The following TSPAN2 variants were observed in gnomAD, a reference collection of about 807,000 sequenced individuals.
TSPAN2 encodes the protein tetraspanin 2, also known as tetraspanin-2.
TSPAN2 carries 24 observed loss-of-function variants against 33.3 expected under a neutral mutation model. That is an observed-to-expected ratio of 0.72 (90% confidence interval 0.52 to 1.01). The LOEUF (loss-of-function observed/expected upper bound fraction) is 1.01, where lower values mean the gene tolerates loss of function less well. TSPAN2 is among the 50% of genes least tolerant of loss of function. TSPAN2 has a pLI of 0.00. For synonymous variants in TSPAN2, 114 were observed against 104.5 expected, an observed-to-expected ratio of 1.09 and a Z score of -0.56; for missense variants, 278 against 281.3, an observed-to-expected ratio of 0.99 and a Z score of 0.08.
rs1238378943 is a variant in TSPAN2, at chr1:115,057,588, T to G, written c.465A>C (p.Glu155Asp). The G allele has an allele frequency of 6.2e-7, 1 of 1,614,156 alleles. No homozygotes were observed. The highest frequency in any genetic ancestry group is 1.7e-5 in the Admixed American group (1 of 60,024). Reference protein sequence around the residue: ...FHSTFQCCGKESSEQVQPTCP... With the variant: ...FHSTFQCCGKDSSEQVQPTCP... ...ATGTAGGTTGGACCTGTTCGGAGCTTTCTTTTCCACAGCACTGAAACTAGA... is the reference window on the plus strand; with the variant it reads ...ATGTAGGTTGGACCTGTTCGGAGCTGTCTTTTCCACAGCACTGAAACTAGA... The change falls in exon 6 of 8, where the codon GAA (glutamate) becomes GAC (aspartate). Residue 155 changes from glutamate (E) to aspartate (D), a missense_variant. Transcript: ENST00000369516.
chr1:115,087,346 T>A (rs28481365), intron 1 of TSPAN2, among the ~76,000 whole-genome samples: 1 of 151,866 alleles, frequency 6.6e-6, no homozygotes, highest in Non-Finnish European at 1.5e-5. Flanking sequence ...CCAGGCGCGG[T>A]GGCTCACGCC....
At chr1:115,055,201 T>A (rs538663494) in intron 6 of TSPAN2, among the ~76,000 whole-genome samples, 4 of 152,184 alleles carry the variant, frequency 2.6e-5, no homozygotes, top group Admixed American at 2.6e-4. Context: ...TGTCCTCCTC[T>A]AGTTCTGCCA....
chr1:115,089,322 CGG>C, intron 1 of TSPAN2, 40 bp downstream of exon 1: 57 of 1,496,920 alleles, frequency 3.8e-5, no homozygotes, highest in East Asian at 5.1e-5. Flanking sequence ...GCCCGCCACC[CGG>C]CCCCCTGCCC....
Position 115,073,022 on chromosome 1 carries a change from A to G in TSPAN2, c.70-15T>C, listed in dbSNP as rs1448585701. 1.2e-6 allele frequency: 2 copies of G among 1,609,586 alleles called. No individual in the cohort carries two copies. Among genetic ancestry groups the G allele is most frequent in the South Asian group, 2.2e-5 (2 of 90,978 alleles). On this transcript the variant is annotated splice_polypyrimidine_tract_variant and intron_variant, in intron 1 of 7. Coordinates refer to ENST00000369516, the MANE Select transcript of TSPAN2 (RefSeq NM_005725.6). ...GATCCAGCCAGCTGGAAGGCAAACGACACTGTGTTTACAGTGGAAGGGGAA... is the reference window on the plus strand; with the variant it reads ...GATCCAGCCAGCTGGAAGGCAAACGGCACTGTGTTTACAGTGGAAGGGGAA...
chr1:115,076,331 C>T (rs554805276), intron 1 of TSPAN2, among the ~76,000 whole-genome samples: 2 of 152,058 alleles, frequency 1.3e-5, no homozygotes, highest in Admixed American at 6.6e-5. Flanking sequence ...GACCATGACT[C>T]GGCTTCTACT....
intron 6 of TSPAN2, 25 bp downstream of exon 6, chr1:115,057,512 A>G (rs747053213): frequency 1.2e-6 from 2 of 1,608,148 alleles, no homozygotes; most frequent in South Asian, 2.2e-5. Context: ...CTACAGGTAG[A>G]GTAAGAACCT....
At chr1:115,078,527 G>C (rs541450418) in intron 1 of TSPAN2, among the ~76,000 whole-genome samples, 4 of 152,176 alleles carry the variant, frequency 2.6e-5, no homozygotes, top group Admixed American at 6.5e-5. Context: ...AGGTCATGAG[G>C]GTGGGGCCAT....
At chr1:115,070,326 C>T (rs11102884) in intron 2 of TSPAN2, among the ~76,000 whole-genome samples, 55,841 of 150,190 alleles carry the variant, frequency 0.37, 10,758 homozygotes, top group South Asian at 0.55. Context: ...TCTGCAATCA[C>T]TGTGGGTTAT....
At chr1:115,073,663 G>C (rs938528064) in intron 1 of TSPAN2, among the ~76,000 whole-genome samples, 2 of 148,064 alleles carry the variant, frequency 1.4e-5, no homozygotes, top group Admixed American at 6.7e-5. Context: ...TTTTTTTTTT[G>C]GTTGCTATTT....
chr1:115,072,267 C>T (rs921872217), intron 2 of TSPAN2, among the ~76,000 whole-genome samples: 1 of 152,030 alleles, frequency 6.6e-6, no homozygotes, highest in Non-Finnish European at 1.5e-5. Flanking sequence ...AGAGCTATTG[C>T]CCCTTCCTGC....
intron 2 of TSPAN2, among the ~76,000 whole-genome samples, chr1:115,069,630 G>T (rs189050840): frequency 6.6e-6 from 1 of 152,344 alleles, no homozygotes; most frequent in Admixed American, 6.5e-5. Context: ...CCTGAGACCA[G>T]TATTAACCCT....
intron 2 of TSPAN2, among the ~76,000 whole-genome samples, chr1:115,071,236 C>T (rs1448889152): frequency 6.6e-6 from 1 of 152,100 alleles, no homozygotes; most frequent in African/African-American, 2.4e-5. Flanking sequence ...TTGGTTTAGG[C>T]ATGAATACAG....
Position 115,057,549 on chromosome 1 carries a change from A to T in TSPAN2, c.504T>A (p.Leu168=), listed in dbSNP as rs762760626. ...GGTAGAAGCTTACCTTGTGTCCTAGAAGCTCCTTTGGGCATGTAGGTTGGA... is the reference window on the plus strand; with the variant it reads ...GGTAGAAGCTTACCTTGTGTCCTAGTAGCTCCTTTGGGCATGTAGGTTGGA... The part of the protein sequence containing the change: ...EQVQPTCPKE[L]LGHKNCIDEI... Residue 168 remains leucine, a synonymous_variant, in exon 6 of 8, where the codon CTT becomes CTA. Transcript: ENST00000369516. 6 of 1,614,138 alleles carry T rather than the reference A, an allele frequency of 3.7e-6. No individual in the cohort carries two copies. The East Asian group carries it at 1.1e-4, about 30-fold the overall frequency.
intron 1 of TSPAN2, among the ~76,000 whole-genome samples, chr1:115,074,092 G>C (rs1648299481): frequency 6.6e-6 from 1 of 152,082 alleles, no homozygotes; most frequent in Non-Finnish European, 1.5e-5. Flanking sequence ...GGCTGCCCTA[G>C]TCTACCACTA....
At chr1:115,087,964 G>T (rs533771327) in intron 1 of TSPAN2, among the ~76,000 whole-genome samples, 16 of 152,326 alleles carry the variant, frequency 1.1e-4, no homozygotes, top group Non-Finnish European at 1.5e-5. Flanking sequence ...TAAGCAGTGA[G>T]AATGAAGGTT....
intron 4 of TSPAN2, among the ~76,000 whole-genome samples, chr1:115,059,573 C>T (rs6537851): frequency 0.83 from 125,830 of 152,226 alleles, 52,262 homozygotes; most frequent in East Asian, 0.99. Flanking sequence ...CTTTTTATGA[C>T]GTGGTTTAAA....
chr1:115,088,894 C>A (rs931071527), intron 1 of TSPAN2, among the ~76,000 whole-genome samples: 1 of 152,176 alleles, frequency 6.6e-6, no homozygotes, highest in African/African-American at 2.4e-5. Flanking sequence ...TCCACACACT[C>A]GAATGGAGCA....
chr1:115,057,660 C>A (rs1203455950), intron 5 of TSPAN2, 52 bp from the exon 6 acceptor site: 1 of 1,565,504 alleles, frequency 6.4e-7, no homozygotes, highest in African/African-American at 1.4e-5. Context: ...GTAGCAGCTA[C>A]AAGTCTGGGC....
chr1:115,065,012 T>C (rs1387645057), intron 2 of TSPAN2, among the ~76,000 whole-genome samples: 1 of 152,204 alleles, frequency 6.6e-6, no homozygotes, highest in Non-Finnish European at 1.5e-5. Context: ...ATTTCATTCT[T>C]AGGCTATCAG....
Sources: gnomAD v4.1 joint callset for allele counts (sites outside exome capture counted in the v4.1 genomes callset) on GRCh38, gnomAD v4.1.1 for gene constraint, MANE v1.5 for transcripts, NCBI Gene and HGNC (gene_info 2026-07-23, HGNC 2026-07-21) for gene names.